SEMA3A: variants seen among roughly 807,000 people sequenced by gnomAD.
SEMA3A encodes semaphorin-3A.
In SEMA3A, 29 loss-of-function variants were observed where a neutral mutation model predicts 97.9. The ratio of observed to expected loss-of-function variants is 0.30; its 90% CI spans 0.22 to 0.40. The LOEUF (loss-of-function observed/expected upper bound fraction) is 0.40, where lower values mean the gene tolerates loss of function less well. Ranked by LOEUF, SEMA3A falls within the 10% of genes least tolerant of loss-of-function variation. The probability of loss-of-function intolerance (pLI) is 1.00; values close to 1 mark genes in which losing one functional copy is unlikely to be tolerated. For missense variants in SEMA3A, 763 were observed against 951.3 expected, an observed-to-expected ratio of 0.80 and a Z score of 2.60; for synonymous variants, 321 against 323.7, an observed-to-expected ratio of 0.99 and a Z score of 0.09.
intron 1 of SEMA3A, among the ~76,000 whole-genome samples, chr7:84,468,963 T>C (rs879027314): frequency 7.0e-6 from 1 of 143,762 alleles, no homozygotes; most frequent in African/African-American, 2.6e-5. Context: ...GTGATTTTCT[T>C]TTTTTATTTT....
chr7:84,443,032 C>A (rs567574278), intron 1 of SEMA3A, among the ~76,000 whole-genome samples: 1 of 152,156 alleles, frequency 6.6e-6, no homozygotes, highest in East Asian at 1.9e-4. Flanking sequence ...TTGAAGACTT[C>A]AATACACCCC....
At chr7:84,071,061 T>A (rs1223090109) in intron 4 of SEMA3A, among the ~76,000 whole-genome samples, 1 of 152,092 alleles carries the variant, frequency 6.6e-6, no homozygotes, top group Non-Finnish European at 1.5e-5. Context: ...TTATCCATAA[T>A]TTACTTTTCC....
chr7:84,341,069 CA>C, intron 2 of SEMA3A, among the ~76,000 whole-genome samples: 1 of 152,122 alleles, frequency 6.6e-6, no homozygotes, highest in African/African-American at 2.4e-5. Context: ...CAAAGCAAAA[CA>C]AAGAAAAACA....
chr7:83,970,641 A>G (rs910540523), intron 15 of SEMA3A, among the ~76,000 whole-genome samples: 7 of 152,338 alleles, frequency 4.6e-5, no homozygotes, highest in Admixed American at 3.3e-4. Flanking sequence ...TAATTTGTAA[A>G]TAATACATGT....
At chr7:84,404,517 A>C (rs1162295556) in intron 1 of SEMA3A, among the ~76,000 whole-genome samples, 1 of 152,184 alleles carries the variant, frequency 6.6e-6, no homozygotes, top group Non-Finnish European at 1.5e-5. Flanking sequence ...AGGCAGGCCA[A>C]AATTCAAATT....
At chr7:84,117,080 C>A (rs1795454214) in intron 3 of SEMA3A, among the ~76,000 whole-genome samples, 1 of 152,092 alleles carries the variant, frequency 6.6e-6, no homozygotes, top group African/African-American at 2.4e-5. Flanking sequence ...GGAAATTTTA[C>A]AAATTTCATT....
At chr7:84,467,857 T>C (rs1193279529) in intron 1 of SEMA3A, among the ~76,000 whole-genome samples, 4 of 152,192 alleles carry the variant, frequency 2.6e-5, no homozygotes, top group African/African-American at 9.7e-5. Flanking sequence ...AAGCATTTCC[T>C]TCAACATGCC....
chr7:84,017,166 T>C (rs1791137522), intron 6 of SEMA3A, among the ~76,000 whole-genome samples: 1 of 152,180 alleles, frequency 6.6e-6, no homozygotes, highest in Non-Finnish European at 1.5e-5. Context: ...ATATTTTACA[T>C]GTATAGATTC....
intron 7 of SEMA3A, among the ~76,000 whole-genome samples, chr7:84,013,409 G>C (rs1224699013): frequency 6.6e-6 from 1 of 152,118 alleles, no homozygotes; most frequent in Non-Finnish European, 1.5e-5. Context: ...GATAGTTAAA[G>C]CTCACAGCTT....
At chr7:84,271,299 C>T (rs1259344844) in intron 3 of SEMA3A, among the ~76,000 whole-genome samples, 1 of 152,034 alleles carries the variant, frequency 6.6e-6, no homozygotes, top group Non-Finnish European at 1.5e-5. Flanking sequence ...GCAATCCTCC[C>T]ACCTCAGCTT....
intron 15 of SEMA3A, among the ~76,000 whole-genome samples, chr7:83,971,151 G>A (rs1290032373): frequency 2.6e-5 from 4 of 152,138 alleles, no homozygotes; most frequent in Admixed American, 1.3e-4. Context: ...ACAGGCAGGC[G>A]TGGTGTTTCA....
At chr7:84,268,179 G>A (rs891375511) in intron 3 of SEMA3A, among the ~76,000 whole-genome samples, 2 of 151,528 alleles carry the variant, frequency 1.3e-5, no homozygotes, top group African/African-American at 4.8e-5. Flanking sequence ...TTACGGCCAT[G>A]GTGATTTTCC....
chr7:84,087,663 G>A (rs1163363800), intron 4 of SEMA3A, among the ~76,000 whole-genome samples: 1 of 152,178 alleles, frequency 6.6e-6, no homozygotes, highest in Non-Finnish European at 1.5e-5. Context: ...ATGTAGGGGA[G>A]TAAACAGAAG....
intron 3 of SEMA3A, among the ~76,000 whole-genome samples, chr7:84,243,556 C>T (rs1799415038): frequency 6.6e-6 from 1 of 151,794 alleles, no homozygotes; most frequent in African/African-American, 2.4e-5. Context: ...TATTAGTTTG[C>T]CTAGTGGTCT....
chr7:84,438,501 C>T (rs1329339224), intron 1 of SEMA3A, among the ~76,000 whole-genome samples: 1 of 151,928 alleles, frequency 6.6e-6, no homozygotes, highest in Non-Finnish European at 1.5e-5. Flanking sequence ...ATCTGTGAAC[C>T]GTAATGAGCT....
intron 1 of SEMA3A, among the ~76,000 whole-genome samples, chr7:84,419,306 A>C (rs1804523582): frequency 6.6e-6 from 1 of 152,134 alleles, no homozygotes; most frequent in South Asian, 2.1e-4. Flanking sequence ...TAAGCTACTG[A>C]GATTTGGGAA....
intron 2 of SEMA3A, among the ~76,000 whole-genome samples, chr7:84,329,779 G>C (rs1029130553): frequency 6.6e-6 from 1 of 151,870 alleles, no homozygotes; most frequent in African/African-American, 2.4e-5. Context: ...AAAATAAGAG[G>C]GAACACAGTG....
At chr7:84,400,685 A>G (rs1158356088) in intron 1 of SEMA3A, among the ~76,000 whole-genome samples, 1 of 152,210 alleles carries the variant, frequency 6.6e-6, no homozygotes, top group African/African-American at 2.4e-5. Flanking sequence ...AAGAAGAAGT[A>G]AAGGTAGAAA....
chr7:84,326,037 A>C (rs1801768083), intron 2 of SEMA3A, among the ~76,000 whole-genome samples: 1 of 152,054 alleles, frequency 6.6e-6, no homozygotes, highest in Non-Finnish European at 1.5e-5. Flanking sequence ...TTCACTTATC[A>C]TAATGTCTTT....
Sources: allele counts gnomAD v4.1 joint callset (sites outside exome capture counted in the v4.1 genomes callset), GRCh38; gene constraint gnomAD v4.1.1; transcripts MANE v1.5; gene names NCBI Gene and HGNC (gene_info 2026-07-23, HGNC 2026-07-21).